TERT: variants seen among roughly 807,000 people sequenced by gnomAD.
TERT encodes telomerase catalytic subunit.
In TERT, 42 loss-of-function variants were observed where a neutral mutation model predicts 104.0. The ratio of observed to expected loss-of-function variants is 0.40; its 90% CI spans 0.32 to 0.52. TERT has a LOEUF of 0.52. TERT is among the 20% of genes least tolerant of loss of function. TERT has a pLI of 0.43. For missense variants in TERT, 1,101 were observed against 1,610.3 expected (o/e 0.68, Z 5.41); for synonymous variants, 781 against 725.6 (o/e 1.08, Z -1.23).
At chr5:1,275,209 T>C (rs1749467483) in intron 6 of TERT, among the ~76,000 whole-genome samples, 1 of 152,082 alleles carries the variant, frequency 6.6e-6, no homozygotes, top group African/African-American at 2.4e-5. Flanking sequence ...ACCTCGTCTC[T>C]ACTAAAATTA....
At chr5:1,282,676 C>A (rs1371528611) in intron 2 of TERT, 52 bp from the exon 3 acceptor site, 2 of 1,581,012 alleles carry the variant, frequency 1.3e-6, no homozygotes, top group Non-Finnish European at 1.7e-6. Flanking sequence ...CTGGTGACCT[C>A]ACCCCGGACC....
chr5:1,264,656 C>T, intron 10 of TERT, 64 bp from the exon 11 acceptor site: 1 of 1,577,930 alleles, frequency 6.3e-7, no homozygotes, highest in Admixed American at 1.7e-5. Flanking sequence ...TAACCTGACA[C>T]CCTTGTTAAA....
chr5:1,258,585 G>C lies in TERT; in HGVS notation c.3032+13C>G. The C allele has an allele frequency of 6.4e-7, 1 of 1,562,020 alleles. No homozygotes were observed. Among genetic ancestry groups the C allele is most frequent in the Non-Finnish European group, 8.7e-7 (1 of 1,152,658 alleles). On this transcript the variant is annotated intron_variant, in intron 13 of 15. Transcript: ENST00000310581. The stretch of plus-strand genomic sequence containing the variant: ...CCTGGAGGCTGGGCCTGCACCCCTT[G>C]GTGGCGGCTCACCTGTACGCCTGCA...
In TERT at chr5:1,279,414, C is replaced by T. The variant is rs1060504788; in HGVS notation, c.2007G>A (p.Arg669=). 4 of 1,552,192 alleles carry T rather than the reference C, an allele frequency of 2.6e-6. No individual in the cohort carries two copies. In the South Asian group the frequency reaches 4.7e-5, roughly 18 times the overall value. Residue 669 remains arginine, a synonymous_variant, in exon 5 of 16, where the codon CGG becomes CGA. Coordinates refer to ENST00000310581, the MANE Select transcript of TERT (RefSeq NM_198253.3). Reference sequence around the variant, plus strand: ...CGCCCAGGAGGCCGGGGCGCCGCGCCCGCTCGTAGTTGAGCACGCTGAACA... The same window carrying T: ...CGCCCAGGAGGCCGGGGCGCCGCGCTCGCTCGTAGTTGAGCACGCTGAACA... The part of the protein sequence containing the change: ...KALFSVLNYE[R]ARRPGLLGAS...
intron 5 of TERT, among the ~76,000 whole-genome samples, chr5:1,279,001 G>A (rs140465415): frequency 1.9e-3 from 296 of 152,356 alleles, no homozygotes; most frequent in Non-Finnish European, 3.4e-3. Context: ...AAGGCACCGG[G>A]GCCTGGTGGC....
rs575817532 is a variant in TERT, at chr5:1,265,403, C to T, written c.2655-811G>A. On this transcript the variant is annotated intron_variant, in intron 10 of 15. Transcript: ENST00000310581. The surrounding 1 kb of genome is among the most constrained non-coding windows in gnomAD (Gnocchi z 6.9). ...CTCATCAGAGACAGAGTTCTGCCCCCGGTGGGACCCCAACATACACTCTGA... is the reference window on the plus strand; with the variant it reads ...CTCATCAGAGACAGAGTTCTGCCCCTGGTGGGACCCCAACATACACTCTGA... Among the ~76,000 whole-genome samples, 6 of 152,276 alleles carry T rather than the reference C, an allele frequency of 3.9e-5. No homozygotes were observed. In the East Asian group the frequency reaches 7.7e-4, roughly 20 times the overall value.
rs974264149 is a variant in TERT, at chr5:1,261,504, G to A, written c.2844-904C>T. On this transcript the variant is annotated intron_variant, in intron 11 of 15. Coordinates refer to ENST00000310581, the MANE Select transcript of TERT (RefSeq NM_198253.3). The surrounding 1 kb of genome is among the most constrained non-coding windows in gnomAD (Gnocchi z 7.4). ...ATTGTGAGGACTTCCATGCAAACAA[G>A]CTGCTTTCCAGAAAAGTCTTTCCAG... 1.9e-4 allele frequency among the ~76,000 whole-genome samples: 29 copies of A among 152,228 alleles called. No homozygotes were observed. The highest frequency in any genetic ancestry group is 1.3e-4 in the Non-Finnish European group (9 of 68,038).
chr5:1,278,798 T>A lies in TERT; in HGVS notation c.2131-2A>T. Reference sequence around the variant, plus strand: ...GTCGTACGCGCCCGTCACATCCACCTGTGTGAGTGGAGGCGAGGAGACTGA... The same window carrying A: ...GTCGTACGCGCCCGTCACATCCACCAGTGTGAGTGGAGGCGAGGAGACTGA... On this transcript the variant is annotated splice_acceptor_variant, in intron 5 of 15. Coordinates refer to ENST00000310581, the MANE Select transcript of TERT (RefSeq NM_198253.3). LOFTEE classifies it high-confidence loss of function. The A allele has an allele frequency of 6.2e-7, 1 of 1,613,996 alleles. No individual in the cohort carries two copies. Among genetic ancestry groups the A allele is most frequent in the Non-Finnish European group, 8.5e-7 (1 of 1,180,036 alleles).
intron 2 of TERT, among the ~76,000 whole-genome samples, chr5:1,289,899 G>A (rs761428925): frequency 0.62 from 12,078 of 19,344 alleles, 4,799 homozygotes; most frequent in African/African-American, 0.67. Context: ...CACTCACCCT[G>A]CACGTGACAG....
intron 13 of TERT, among the ~76,000 whole-genome samples, chr5:1,258,012 G>C (rs1418810877): frequency 3.9e-5 from 6 of 152,188 alleles, no homozygotes; most frequent in Non-Finnish European, 8.8e-5. Flanking sequence ...TCCACAGATT[G>C]GCCCTTCCCT....
intron 15 of TERT, among the ~76,000 whole-genome samples, chr5:1,254,154 C>A (rs1747542102): frequency 6.6e-6 from 1 of 152,180 alleles, no homozygotes; most frequent in African/African-American, 2.4e-5. Context: ...AGATGGGAAG[C>A]AGGGGTTCAA....
In TERT at chr5:1,260,609, C is replaced by T; in HGVS notation, c.2844-9G>A. On this transcript the variant is annotated splice_polypyrimidine_tract_variant and intron_variant, in intron 11 of 15. Coordinates refer to ENST00000310581, the MANE Select transcript of TERT (RefSeq NM_198253.3). ...TGGAGGTCCGGGCATAGCTGAGACA[C>T]AGGGGGGAATGTCAGACACAGGTGC... The T allele has an allele frequency of 4.3e-6, 7 of 1,613,586 alleles. No homozygotes were observed. The highest frequency in any genetic ancestry group is 5.9e-6 in the Non-Finnish European group (7 of 1,179,870).
rs1371780319 is a variant in TERT at position 1,288,798 on chromosome 5, G to C, written c.1573+4515C>G. Among the ~76,000 whole-genome samples the C allele has an allele frequency of 6.6e-6, 1 of 152,182 alleles. No individual in the cohort carries two copies. Among genetic ancestry groups the C allele is most frequent in the African/African-American group, 2.4e-5 (1 of 41,440 alleles). ...GAGTATTGGCAGCATGCATGTGGCG[G>C]GCACGTGGTGAGCAAGCCAGGCCCA... is the stretch of plus-strand genomic sequence containing the variant. On this transcript the variant is annotated intron_variant, in intron 2 of 15. Coordinates refer to ENST00000310581, the MANE Select transcript of TERT (RefSeq NM_198253.3). The surrounding 1 kb of genome is among the most constrained non-coding windows in gnomAD (Gnocchi z 5.3).
chr5:1,271,278 C>T (rs1176012933), intron 7 of TERT, 74 bp from the exon 8 acceptor site: 37 of 1,042,346 alleles, frequency 3.5e-5, no homozygotes, highest in Non-Finnish European at 5.4e-5. Context: ...GTGGCCAAGA[C>T]CCTCCGTCCC....
In TERT at chr5:1,295,022, T is replaced by C; in HGVS notation, c.-33A>G. ...GTGGCCGGGGCCAGGGCTTCCCACG[T>C]GCGCAGCAGGACGCAGCGCTGCCTG... On this transcript the variant is annotated 5_prime_UTR_variant, in exon 1 of 16. Coordinates refer to ENST00000310581, the MANE Select transcript of TERT (RefSeq NM_198253.3). 1 of 1,264,782 alleles carries C rather than the reference T, an allele frequency of 7.9e-7. No individual in the cohort carries two copies. The highest frequency in any genetic ancestry group is 1.0e-6 in the Non-Finnish European group (1 of 1,003,128). 78.3% of individuals were successfully genotyped at this position (1,264,782 alleles called of 1,614,324 possible). A position where few individuals can be genotyped will look rare whatever the true frequency, so the allele number is the denominator to read the frequency against.
intron 12 of TERT, 74 bp downstream of exon 12, chr5:1,260,400 G>GCACA (rs140610549): frequency 2.5e-5 from 37 of 1,491,036 alleles, no homozygotes; most frequent in Admixed American, 7.1e-5. Flanking sequence ...AGGCACGCGC[G>GCACA]CACACACACA....
At chr5:1,271,786 G>A (rs1002031219) in intron 7 of TERT, among the ~76,000 whole-genome samples, 2 of 152,102 alleles carry the variant, frequency 1.3e-5, no homozygotes, top group East Asian at 1.9e-4. Context: ...AGGGGGACAC[G>A]TTTCCTTTGG....
intron 2 of TERT, among the ~76,000 whole-genome samples, chr5:1,283,275 A>C (rs1750183631): frequency 7.8e-6 from 1 of 128,740 alleles, no homozygotes; most frequent in Non-Finnish European, 1.6e-5. Flanking sequence ...AGCTAACCGC[A>C]GGGCCTGGCG....
At chr5:1,277,225 C>A (rs1330199330) in intron 6 of TERT, among the ~76,000 whole-genome samples, 1 of 152,200 alleles carries the variant, frequency 6.6e-6, no homozygotes, top group Non-Finnish European at 1.5e-5. Context: ...CACTGTCACC[C>A]CCCTGGAAAC....
Sources: allele counts gnomAD v4.1 joint callset (sites outside exome capture counted in the v4.1 genomes callset), GRCh38; gene constraint gnomAD v4.1.1; non-coding constraint Gnocchi (gnomAD v3.1); transcripts MANE v1.5; gene names NCBI Gene and HGNC (gene_info 2026-07-23, HGNC 2026-07-21).